The following BMP2K variants were observed in gnomAD, a reference collection of about 807,000 sequenced individuals.
The protein encoded by BMP2K is BMP2 inducible kinase, also known as BMP-2-inducible protein kinase.
BMP2K carries 74 observed loss-of-function variants against 116.0 expected under a neutral mutation model. That is an observed-to-expected ratio of 0.64 (90% CI 0.53 to 0.77). BMP2K has a LOEUF of 0.77. BMP2K is among the 30% of genes least tolerant of loss of function. The pLI is 0.00. For missense variants in BMP2K, 1,365 were observed against 1,403.6 expected, an observed-to-expected ratio of 0.97 and a Z score of 0.44; for synonymous variants, 486 against 502.5, an observed-to-expected ratio of 0.97 and a Z score of 0.44.
At position 78,859,584 on chromosome 4, in the gene BMP2K, G is replaced by A. The variant is rs955417713; in HGVS notation, c.884G>A (p.Arg295Lys). The A allele has an allele frequency of 6.3e-7, 1 of 1,598,478 alleles. No homozygotes were observed. Among genetic ancestry groups the A allele is most frequent in the South Asian group, 1.1e-5 (1 of 88,690 alleles). ...TTAACATTTTGATCTATTCTTGCAG[G>A]GTTCATGCTTGAACCAGATCCGGAA... ...RYSRNIHCLI[R>K]FMLEPDPEHR... Residue 295 changes from arginine (R) to lysine (K), a missense_variant and splice_region_variant, in exon 8 of 16, where the codon AGG becomes AAG. Physicochemically the swap from Arg to Lys is conservative, Grantham distance 26. Coordinates refer to ENST00000502613, the MANE Select transcript of BMP2K (RefSeq NM_198892.2).
intron 15 of BMP2K, among the ~76,000 whole-genome samples, chr4:78,892,269 G>A (rs1247407060): frequency 6.6e-6 from 1 of 152,004 alleles, no homozygotes; most frequent in African/African-American, 2.4e-5. Flanking sequence ...AATAGTTATA[G>A]GGCCGTTTAG....
In BMP2K at chr4:78,861,402, C is replaced by T; in HGVS notation, c.1001C>T (p.Pro334Leu). 1.2e-6 allele frequency: 2 copies of T among 1,601,500 alleles called. No individual in the cohort carries two copies. The highest frequency in any genetic ancestry group is 1.7e-6 in the Non-Finnish European group (2 of 1,173,450). Residue 334 changes from proline (P) to leucine (L), a missense_variant, in exon 9 of 16, where the codon CCT becomes CTT. Transcript: ENST00000502613. The part of the protein sequence containing the change: ...PVSNINNSSI[P>L]SALPEPMTAS... ...TTTTCTTCCAAGAATTCTTCTATTCCTTCAGCTCTTCCTGAACCGATGACT... is the reference window on the plus strand; with the variant it reads ...TTTTCTTCCAAGAATTCTTCTATTCTTTCAGCTCTTCCTGAACCGATGACT...
intron 7 of BMP2K, 181 bp from the exon 8 acceptor site, chr4:78,859,403 A>G (rs1204801705): frequency 2.2e-6 from 1 of 461,464 alleles, no homozygotes; most frequent in Non-Finnish European, 3.8e-6. Context: ...AGCTTGGGAT[A>G]ATGCTTTATT....
intron 6 of BMP2K, 107 bp from the exon 7 acceptor site, chr4:78,850,817 G>T: frequency 9.6e-7 from 1 of 1,039,402 alleles, no homozygotes. Flanking sequence ...TAAAAAGATT[G>T]CTGCAGTATA....
chr4:78,866,737 G>A (rs1281530628), intron 10 of BMP2K, among the ~76,000 whole-genome samples: 1 of 151,982 alleles, frequency 6.6e-6, no homozygotes, highest in Non-Finnish European at 1.5e-5. Context: ...TGCAACCTCC[G>A]CCTCCTGGGT....
In BMP2K at chr4:78,826,024, T is replaced by C; in HGVS notation, c.179-13T>C. 1 of 1,591,280 alleles carries C rather than the reference T, an allele frequency of 6.3e-7. No homozygotes were observed. The highest frequency in any genetic ancestry group is 8.6e-7 in the Non-Finnish European group (1 of 1,162,144). ...TTGTTTCTTTTAAATTAATTGGTGCTTTGTTTTTCTAGGTGGATTCTCCAC... is the reference window on the plus strand; with the variant it reads ...TTGTTTCTTTTAAATTAATTGGTGCCTTGTTTTTCTAGGTGGATTCTCCAC... On this transcript the variant is annotated splice_polypyrimidine_tract_variant and intron_variant, in intron 1 of 15. Transcript: ENST00000502613.
At chr4:78,841,335 T>G (rs966812339) in intron 3 of BMP2K, among the ~76,000 whole-genome samples, 21 of 152,202 alleles carry the variant, frequency 1.4e-4, no homozygotes, top group Admixed American at 2.0e-4. Context: ...TAGACTGATT[T>G]CTGTGCGAAT....
At chr4:78,878,594 G>T in intron 13 of BMP2K, 140 bp from the exon 14 acceptor site, 1 of 693,754 alleles carries the variant, frequency 1.4e-6, no homozygotes. Context: ...TCCATCTCAT[G>T]CCCTTGTCTG....
chr4:78,850,601 A>T (rs1731204210), intron 6 of BMP2K, among the ~76,000 whole-genome samples: 1 of 151,858 alleles, frequency 6.6e-6, no homozygotes, highest in Non-Finnish European at 1.5e-5. Context: ...TTTGTTGGTT[A>T]TATGCTAGTT....
At chr4:78,806,791 T>C (rs1728840121) in intron 1 of BMP2K, among the ~76,000 whole-genome samples, 1 of 152,092 alleles carries the variant, frequency 6.6e-6, no homozygotes, top group South Asian at 2.1e-4. Flanking sequence ...CTTCTATTCC[T>C]AGTTTGTTGA....
At chr4:78,892,170 T>C (rs1433032797) in intron 15 of BMP2K, among the ~76,000 whole-genome samples, 2 of 152,194 alleles carry the variant, frequency 1.3e-5, no homozygotes, top group Non-Finnish European at 2.9e-5. Flanking sequence ...GTAGATTTTT[T>C]TCCTAAATAT....
chr4:78,811,982 GT>G (rs1391728013), intron 1 of BMP2K, among the ~76,000 whole-genome samples: 2 of 149,908 alleles, frequency 1.3e-5, no homozygotes, highest in African/African-American at 4.9e-5. Context: ...TTTTTTTTTT[GT>G]TTTTTTAAAG....
At chr4:78,863,856 C>A (rs1489378691) in intron 9 of BMP2K, among the ~76,000 whole-genome samples, 1 of 152,160 alleles carries the variant, frequency 6.6e-6, no homozygotes. Flanking sequence ...ACCCCAGTTT[C>A]TACCTGAAGC....
At chr4:78,838,197 A>G (rs141536955) in intron 3 of BMP2K, among the ~76,000 whole-genome samples, 20 of 152,252 alleles carry the variant, frequency 1.3e-4, no homozygotes, top group African/African-American at 4.1e-4. Flanking sequence ...AAACCATCGG[A>G]TGTCGTGAGA....
chr4:78,864,152 C>G (rs945314749), intron 9 of BMP2K, among the ~76,000 whole-genome samples: 4 of 152,034 alleles, frequency 2.6e-5, no homozygotes, highest in Non-Finnish European at 4.4e-5. Context: ...TTTGCTATGC[C>G]TACGTGTGTT....
At chr4:78,828,541 G>A (rs891047940) in intron 2 of BMP2K, among the ~76,000 whole-genome samples, 28 of 152,160 alleles carry the variant, frequency 1.8e-4, no homozygotes, top group Admixed American at 1.7e-3. Flanking sequence ...GGTGGGCAAC[G>A]ATTAGAGTCC....
intron 14 of BMP2K, chr4:78,879,885 A>T (rs1448083498): frequency 6.6e-6 from 1 of 152,348 alleles, no homozygotes; most frequent in African/African-American, 2.4e-5. Flanking sequence ...TATTGGTTAT[A>T]TGATTATGAA....
intron 15 of BMP2K, among the ~76,000 whole-genome samples, chr4:78,901,228 TTA>T (rs200710553): frequency 0.013 from 1,959 of 149,888 alleles, 37 homozygotes; most frequent in African/African-American, 0.046. Flanking sequence ...TTTTATTTTA[TTA>T]TTTTTTTTTT....
intron 2 of BMP2K, among the ~76,000 whole-genome samples, chr4:78,830,172 C>T (rs1385188214): frequency 2.6e-5 from 4 of 152,284 alleles, no homozygotes; most frequent in African/African-American, 9.6e-5. Context: ...CCGCCACACC[C>T]AGCCATCAGT....
Sources: gnomAD v4.1 joint callset for allele counts (sites outside exome capture counted in the v4.1 genomes callset) on GRCh38, gnomAD v4.1.1 for gene constraint, MANE v1.5 for transcripts, NCBI Gene and HGNC (gene_info 2026-07-23, HGNC 2026-07-21) for gene names.